COX7B: variants seen among roughly 807,000 people sequenced by gnomAD.
COX7B encodes cytochrome c oxidase subunit 7B, mitochondrial.
A neutral mutation model predicts 7.9 loss-of-function variants in COX7B; 2 were observed. The ratio of observed to expected loss-of-function variants is 0.25; its 90% CI spans 0.10 to 0.79. COX7B has a LOEUF of 0.79. COX7B is among the 30% of genes least tolerant of loss of function. The pLI is 0.69. For synonymous variants in COX7B, 19 were observed against 21.1 expected (o/e 0.90, Z 0.27); for missense variants, 54 against 62.7 (o/e 0.86, Z 0.47).
At position 77,902,684 on chromosome X, in the gene COX7B, A is replaced by G; in HGVS notation, c.82A>G (p.Lys28Glu). ...AACAATGGCAAGGCAGAGCCACCAG[A>G]AACGTACACCTGATTTTCATGACAA... ...QQTMARQSHQ[K>E]RTPDFHDKYG... Residue 28 changes from lysine to glutamate, a missense_variant, in exon 2 of 3, where the codon AAA becomes GAA. Coordinates refer to ENST00000650309, the MANE Select transcript of COX7B (RefSeq NM_001866.3). 2.5e-6 allele frequency: 3 copies of G among 1,209,565 alleles called. No homozygotes were observed. Among genetic ancestry groups the G allele is most frequent in the Non-Finnish European group, 3.4e-6 (3 of 894,779 alleles).
At chrX:77,905,092 T>C (rs1415291578) in intron 2 of COX7B, 92 bp from the exon 3 acceptor site, 3 of 747,505 alleles carry the variant, frequency 4.0e-6, no homozygotes, top group African/African-American at 4.2e-5. Context: ...TTTTAACCTA[T>C]AGAACAGAAT....
At chrX:77,903,229 C>G (rs1359171674) in intron 2 of COX7B, 1 of 83,587 alleles carries the variant, frequency 1.2e-5, no homozygotes, top group African/African-American at 4.6e-5. Flanking sequence ...GAGTCTTGCT[C>G]TGTTGCCCAG....
rs1252335430 is a variant in COX7B, at chrX:77,905,867, G to C, written c.*606G>C. 2 of 111,134 alleles carry C rather than the reference G, an allele frequency of 1.8e-5. No individual in the cohort carries two copies. The highest frequency in any genetic ancestry group is 3.3e-5 in the African/African-American group (1 of 30,560). 9.2% of individuals were successfully genotyped at this position (111,134 alleles called of 1,213,427 possible). On this transcript the variant is annotated 3_prime_UTR_variant, in exon 3 of 3. Transcript: ENST00000650309. ...GGGGTTTCACCATGTTGGTCAGGCT[G>C]GTCTCGAGCTCCTGATCTCGTGATC... is the stretch of plus-strand genomic sequence containing the variant.
intron 2 of COX7B, among the ~76,000 whole-genome samples, chrX:77,903,438 C>T (rs2077126599): frequency 9.1e-6 from 1 of 109,866 alleles, no homozygotes; most frequent in Non-Finnish European, 1.9e-5. Flanking sequence ...AGGTGATCCG[C>T]CCGCCTTGGT....
rs782600544 is a variant in COX7B at position 77,899,548 on chromosome X, T to C, written c.-6T>C. ...GTATTGCCGCAGTTCTAGCTTCACC[T>C]TCACGATGTTTCCCTTGGTCAAAAG... is the stretch of plus-strand genomic sequence containing the variant. On this transcript the variant is annotated 5_prime_UTR_variant, in exon 1 of 3. Transcript: ENST00000650309. The C allele has an allele frequency of 2.5e-6, 3 of 1,211,280 alleles. No individual in the cohort carries two copies. The Admixed American group carries it at 6.5e-5, about 26-fold the overall frequency.
In COX7B at chrX:77,906,944, C is replaced by G. The variant is rs1312487783; in HGVS notation, c.*1683C>G. 1 of 110,550 alleles carries G rather than the reference C, an allele frequency of 9.0e-6. No homozygotes were observed. Among genetic ancestry groups the G allele is most frequent in the African/African-American group, 3.3e-5 (1 of 30,051 alleles). 9.1% of individuals were successfully genotyped at this position (110,550 alleles called of 1,213,427 possible). A position where few individuals can be genotyped will look rare whatever the true frequency, so the allele number is the denominator to read the frequency against. ...CGCCCGGCTTATATATCATTACTTTCTTGGCTGAGAGCTGTAGTCTGTGGT... is the reference window on the plus strand; with the variant it reads ...CGCCCGGCTTATATATCATTACTTTGTTGGCTGAGAGCTGTAGTCTGTGGT... On this transcript the variant is annotated 3_prime_UTR_variant, in exon 3 of 3. Coordinates refer to ENST00000650309, the MANE Select transcript of COX7B (RefSeq NM_001866.3).
At chrX:77,900,665 T>G (rs2077118181) in intron 1 of COX7B, among the ~76,000 whole-genome samples, 1 of 112,827 alleles carries the variant, frequency 8.9e-6, no homozygotes, top group Non-Finnish European at 1.9e-5. Flanking sequence ...TCCTAAACTC[T>G]TAAGCAACTT....
chrX:77,900,360 C>T (rs782050003), intron 1 of COX7B, among the ~76,000 whole-genome samples: 7 of 112,081 alleles, frequency 6.2e-5, no homozygotes, highest in Non-Finnish European at 1.1e-4. Context: ...AGCGGGACTC[C>T]GTCTCGAAAA....
intron 1 of COX7B, among the ~76,000 whole-genome samples, chrX:77,901,379 C>G (rs932492331): frequency 9.4e-6 from 1 of 106,695 alleles, no homozygotes; most frequent in South Asian, 4.2e-4. Flanking sequence ...CCTAGCTTTT[C>G]ATTATATATG....
chrX:77,903,441 G>A (rs781973074), intron 2 of COX7B, among the ~76,000 whole-genome samples: 13 of 109,707 alleles, frequency 1.2e-4, no homozygotes, highest in Non-Finnish European at 2.1e-4. Flanking sequence ...TGATCCGCCC[G>A]CCTTGGTTTC....
rs782218608 is a variant in COX7B, at chrX:77,899,574, C to T, written c.21C>T (p.Ser7=). ...TCACGATGTTTCCCTTGGTCAAAAG[C>T]GCACTAAATCGTCTCCAAGGTGAGC... MFPLVK[S]ALNRLQVRSI... is the part of the protein sequence containing the mutation. The change falls in exon 1 of 3, where the codon AGC becomes AGT. Residue 7 remains serine, a synonymous_variant. Coordinates refer to ENST00000650309, the MANE Select transcript of COX7B (RefSeq NM_001866.3). The T allele has an allele frequency of 1.1e-4, 132 of 1,208,803 alleles. No individual in the cohort carries two copies. Among genetic ancestry groups the T allele is most frequent in the Non-Finnish European group, 1.4e-4 (128 of 894,807 alleles).
At position 77,899,480 on chromosome X, in the gene COX7B, A is replaced by T; in HGVS notation, c.-74A>T. 1 of 1,104,667 alleles carries T rather than the reference A, an allele frequency of 9.1e-7. No individual in the cohort carries two copies. Among genetic ancestry groups the T allele is most frequent in the Non-Finnish European group, 1.2e-6 (1 of 802,921 alleles). The allele number at this position is 1,104,667 out of a possible 1,213,427, so 91.0% of individuals were successfully genotyped here. A position where few individuals can be genotyped will look rare whatever the true frequency, so the allele number is the denominator to read the frequency against. ...TGAAAGCCATTTTGTTTTTCAGCTC[A>T]CTTCAAGGGTACCTGAAGCGAATTG... is the stretch of plus-strand genomic sequence containing the variant. On this transcript the variant is annotated 5_prime_UTR_variant, in exon 1 of 3. Transcript: ENST00000650309.
chrX:77,903,221 G>C (rs1467196251), intron 2 of COX7B: 2 of 95,959 alleles, frequency 2.1e-5, no homozygotes, highest in East Asian at 6.4e-4. Context: ...TTGAGACGGA[G>C]TCTTGCTCTG....
chrX:77,903,013 GT>G, intron 2 of COX7B: 16 of 204,894 alleles, frequency 7.8e-5, no homozygotes, highest in East Asian at 1.7e-4. Context: ...TTGTGTAGCT[GT>G]TTTTTTTGTT....
chrX:77,906,231 A>G lies in COX7B; in HGVS notation c.*970A>G, dbSNP rs2077134810. 1 of 112,361 alleles carries G rather than the reference A, an allele frequency of 8.9e-6. No homozygotes were observed. Among genetic ancestry groups the G allele is most frequent in the Admixed American group, 9.5e-5 (1 of 10,554 alleles). 9.3% of individuals were successfully genotyped at this position (112,361 alleles called of 1,213,427 possible). A position where few individuals can be genotyped will look rare whatever the true frequency, so the allele number is the denominator to read the frequency against. On this transcript the variant is annotated 3_prime_UTR_variant, in exon 3 of 3. Transcript: ENST00000650309. ...CAAAAATTTGGCCTGGATTTTGGTT[A>G]TGCCTACTACTATGTGCCTCTCATT... is the stretch of plus-strand genomic sequence containing the variant.
intron 2 of COX7B, among the ~76,000 whole-genome samples, chrX:77,904,964 A>G (rs2077130242): frequency 8.9e-6 from 1 of 112,439 alleles, no homozygotes; most frequent in Non-Finnish European, 1.9e-5. Flanking sequence ...GAAGATCTAG[A>G]ACATTTCCTT....
rs1603367347 is a variant in COX7B at position 77,905,235 on chromosome X, A to G, written c.217A>G (p.Thr73Ala). 1 of 1,206,943 alleles carries G rather than the reference A, an allele frequency of 8.3e-7. No individual in the cohort carries two copies. Residue 73 changes from threonine to alanine, a missense_variant, in exon 3 of 3, where the codon ACC becomes GCC. By Grantham distance (58) the Thr-to-Ala change is moderately conservative (BLOSUM62 0). Transcript: ENST00000650309. ...GAACCTGTCCCCTGTTGGCAGAGTT[A>G]CCCCAAAGGAATGGAGGAATCAGTA... ...EWNLSPVGRV[T>A]PKEWRNQ
At chrX:77,900,926 T>C (rs1200394418) in intron 1 of COX7B, among the ~76,000 whole-genome samples, 1 of 112,348 alleles carries the variant, frequency 8.9e-6, no homozygotes, top group East Asian at 2.8e-4. Flanking sequence ...CATGAGTGTG[T>C]TGAAGTTATG....
intron 1 of COX7B, among the ~76,000 whole-genome samples, chrX:77,899,907 T>A (rs1361674796): frequency 8.9e-6 from 1 of 111,816 alleles, no homozygotes; most frequent in Non-Finnish European, 1.9e-5. Context: ...TGTCCTACAT[T>A]TTAGCTTTGG....
Sources: allele counts gnomAD v4.1 joint callset (sites outside exome capture counted in the v4.1 genomes callset), GRCh38; gene constraint gnomAD v4.1.1; transcripts MANE v1.5; gene names NCBI Gene and HGNC (gene_info 2026-07-23, HGNC 2026-07-21).